RAB3GAP2: variants seen among roughly 807,000 people sequenced by gnomAD.
The protein encoded by RAB3GAP2 is RAB3 GTPase activating non-catalytic protein subunit 2.
RAB3GAP2 carries 87 observed loss-of-function variants against 185.3 expected under a neutral mutation model. The ratio of observed to expected loss-of-function variants is 0.47; its 90% CI spans 0.39 to 0.56. The LOEUF is 0.56. RAB3GAP2 is among the 20% of genes least tolerant of loss of function. The pLI is 0.00. For synonymous variants in RAB3GAP2, 554 were observed against 576.1 expected, an observed-to-expected ratio of 0.96 and a Z score of 0.55; for missense variants, 1,492 against 1,638.2, an observed-to-expected ratio of 0.91 and a Z score of 1.54.
At chr1:220,212,393 T>C (rs1234841643) in intron 4 of RAB3GAP2, among the ~76,000 whole-genome samples, 1 of 152,218 alleles carries the variant, frequency 6.6e-6, no homozygotes, top group Non-Finnish European at 1.5e-5. Context: ...AATTACACGA[T>C]ATATAAAATT....
chr1:220,269,445 T>C (rs1660292378), intron 1 of RAB3GAP2, among the ~76,000 whole-genome samples: 1 of 152,184 alleles, frequency 6.6e-6, no homozygotes, highest in Non-Finnish European at 1.5e-5. Flanking sequence ...AATGTTAGGC[T>C]GGGTGTGGTG....
At chr1:220,171,441 C>T (rs1658176352) in intron 23 of RAB3GAP2, among the ~76,000 whole-genome samples, 1 of 152,190 alleles carries the variant, frequency 6.6e-6, no homozygotes, top group Non-Finnish European at 1.5e-5. Flanking sequence ...CATCAAAATA[C>T]TTATATTTCT....
chr1:220,181,567 G>A (rs1317806380), intron 21 of RAB3GAP2, among the ~76,000 whole-genome samples: 3 of 151,948 alleles, frequency 2.0e-5, no homozygotes, highest in African/African-American at 7.3e-5. Context: ...TATATTCAAA[G>A]TCTGAAAATG....
At chr1:220,189,582 T>A in intron 17 of RAB3GAP2, 121 bp downstream of exon 17, 1 of 953,970 alleles carries the variant, frequency 1.0e-6, no homozygotes, top group South Asian at 2.2e-5. Context: ...GGATAAACAA[T>A]AAAAATGTGA....
chr1:220,207,251 T>C lies in RAB3GAP2; in HGVS notation c.613-1245A>G, dbSNP rs139867696. ...GGTCATACAGTATTCACAATTTTCA[T>C]TCTCATATATATTAAGTTGCCTCAA... On this transcript the variant is annotated intron_variant, in intron 7 of 34. Coordinates refer to ENST00000358951, the MANE Select transcript of RAB3GAP2 (RefSeq NM_012414.4). Among the ~76,000 whole-genome samples the C allele has an allele frequency of 3.9e-5, 6 of 152,336 alleles. 1 individual carries two copies. The East Asian group carries it at 9.7e-4, about 25-fold the overall frequency.
intron 8 of RAB3GAP2, among the ~76,000 whole-genome samples, chr1:220,202,665 G>C (rs1163516410): frequency 6.6e-6 from 1 of 152,118 alleles, no homozygotes; most frequent in Non-Finnish European, 1.5e-5. Flanking sequence ...AATTCAGGCC[G>C]GGCATGGTGG....
chr1:220,182,471 T>C (rs1658428564), intron 20 of RAB3GAP2, 117 bp from the exon 21 acceptor site: 427 of 1,329,970 alleles, frequency 3.2e-4, no homozygotes, highest in Non-Finnish European at 3.9e-4. Context: ...GGAAGAGAAA[T>C]TAATTGTTCA....
chr1:220,236,159 T>C (rs1020739596), intron 1 of RAB3GAP2, among the ~76,000 whole-genome samples: 3 of 151,264 alleles, frequency 2.0e-5, no homozygotes, highest in Non-Finnish European at 4.4e-5. Flanking sequence ...GCAATACCCT[T>C]GTGGCTATTT....
chr1:220,179,686 A>G (rs1217270616), intron 21 of RAB3GAP2, among the ~76,000 whole-genome samples: 1 of 152,264 alleles, frequency 6.6e-6, no homozygotes, highest in Non-Finnish European at 1.5e-5. Context: ...TGACAACAGA[A>G]TAAAAGTAGA....
chr1:220,210,318 TAA>T, intron 7 of RAB3GAP2, 68 bp downstream of exon 7: 2 of 1,141,540 alleles, frequency 1.8e-6, no homozygotes, highest in South Asian at 2.5e-5. Context: ...AGTTTCTACC[TAA>T]AAAAGAGGAG....
chr1:220,185,005 C>T (rs1658483362), intron 18 of RAB3GAP2, among the ~76,000 whole-genome samples: 2 of 151,988 alleles, frequency 1.3e-5, no homozygotes, highest in Admixed American at 1.3e-4. Flanking sequence ...TTACACACAA[C>T]TAAAACACAA....
intron 1 of RAB3GAP2, among the ~76,000 whole-genome samples, chr1:220,264,675 T>TA (rs1204654518): frequency 6.6e-6 from 1 of 152,104 alleles, no homozygotes; most frequent in Non-Finnish European, 1.5e-5. Context: ...CACCACAATT[T>TA]ACTATTTGCA....
chr1:220,157,925 A>T (rs972399187), intron 29 of RAB3GAP2, 49 bp from the exon 30 acceptor site: 3 of 1,399,174 alleles, frequency 2.1e-6, no homozygotes, highest in Non-Finnish European at 3.0e-6. Context: ...AAACTGCTAT[A>T]GTTACTGTCA....
chr1:220,242,167 CATG>C (rs1425664903), intron 1 of RAB3GAP2, among the ~76,000 whole-genome samples: 2 of 152,046 alleles, frequency 1.3e-5, no homozygotes, highest in Non-Finnish European at 2.9e-5. Context: ...AACAATATCA[CATG>C]ATAACATGGA....
At chr1:220,210,332 G>A in intron 7 of RAB3GAP2, 56 bp downstream of exon 7, 1 of 1,303,396 alleles carries the variant, frequency 7.7e-7, no homozygotes, top group Non-Finnish European at 1.1e-6. Flanking sequence ...AAAGAGGAGA[G>A]AAACTGCTTC....
At chr1:220,211,930 C>T (rs765983973) in intron 4 of RAB3GAP2, among the ~76,000 whole-genome samples, 1 of 152,182 alleles carries the variant, frequency 6.6e-6, no homozygotes, top group Admixed American at 6.5e-5. Context: ...CAAATATCTA[C>T]AATGTTCCAG....
Position 220,272,405 on chromosome 1 carries a change from G to A in RAB3GAP2, c.-68C>T, listed in dbSNP as rs989511076. 8.9e-6 allele frequency: 10 copies of A among 1,127,486 alleles called. No homozygotes were observed. Among genetic ancestry groups the A allele is most frequent in the Middle Eastern group, 2.1e-4 (1 of 4,716 alleles). The allele number at this position is 1,127,486 out of a possible 1,614,324, so 69.8% of individuals were successfully genotyped here. A position where few individuals can be genotyped will look rare whatever the true frequency, so the allele number is the denominator to read the frequency against. On this transcript the variant is annotated 5_prime_UTR_variant, in exon 1 of 35. Coordinates refer to ENST00000358951, the MANE Select transcript of RAB3GAP2 (RefSeq NM_012414.4). ...CGCCCTGCCCCCTCCACCCCACTGCGGCCGCCACCGAGCCCCAATAGCTCT... is the reference window on the plus strand; with the variant it reads ...CGCCCTGCCCCCTCCACCCCACTGCAGCCGCCACCGAGCCCCAATAGCTCT...
chr1:220,245,846 G>A (rs2102898995), intron 1 of RAB3GAP2, among the ~76,000 whole-genome samples: 1 of 152,356 alleles, frequency 6.6e-6, no homozygotes, highest in South Asian at 2.1e-4. Context: ...GCCTCTTCAA[G>A]TGGGTCCCTG....
chr1:220,170,905 T>G lies in RAB3GAP2; in HGVS notation c.2793A>C (p.Leu931Phe). Residue 931 changes from leucine (L) to phenylalanine (F), a missense_variant, in exon 24 of 35, where the codon TTA (leucine) becomes TTC (phenylalanine). Physicochemically the swap from Leu to Phe is conservative, Grantham distance 22. Coordinates refer to ENST00000358951, the MANE Select transcript of RAB3GAP2 (RefSeq NM_012414.4). ...ACTTCAGCTTACCTTTTCCTCCTTCTAATAACTTTTTAACAGAAAGCCTTG... is the reference window on the plus strand; with the variant it reads ...ACTTCAGCTTACCTTTTCCTCCTTCGAATAACTTTTTAACAGAAAGCCTTG... ...PLPRLSVKKL[L>F]EGGKGGIADS... 6.2e-7 allele frequency: 1 copy of G among 1,613,486 alleles called. No homozygotes were observed. The highest frequency in any genetic ancestry group is 8.5e-7 in the Non-Finnish European group (1 of 1,179,350).
Sources: allele counts gnomAD v4.1 joint callset (sites outside exome capture counted in the v4.1 genomes callset), GRCh38; gene constraint gnomAD v4.1.1; transcripts MANE v1.5; gene names NCBI Gene and HGNC (gene_info 2026-07-23, HGNC 2026-07-21).